LGR6: variants seen among roughly 807,000 people sequenced by gnomAD.
LGR6 encodes the protein leucine rich repeat containing G protein-coupled receptor 6, also known as leucine-rich repeat-containing G protein-coupled receptor 6.
LGR6 carries 45 observed loss-of-function variants against 69.4 expected under a neutral mutation model. That is an observed-to-expected ratio of 0.65 (90% CI 0.51 to 0.83). The LOEUF is 0.83. LGR6 is among the 40% of genes least tolerant of loss of function. The pLI is 0.00. For synonymous variants in LGR6, 538 were observed against 555.0 expected (o/e 0.97, Z 0.43); for missense variants, 1,108 against 1,246.7 (o/e 0.89, Z 1.68).
chr1:202,282,782 C>T (rs11586832), intron 6 of LGR6, among the ~76,000 whole-genome samples: 1,894 of 152,330 alleles, frequency 0.012, 16 homozygotes, highest in Non-Finnish European at 0.022. Context: ...TGGATTGCCG[C>T]GCAGGGCATT....
At chr1:202,219,005 T>C (rs1282414236) in intron 1 of LGR6, among the ~76,000 whole-genome samples, 3 of 152,156 alleles carry the variant, frequency 2.0e-5, no homozygotes, top group Non-Finnish European at 4.4e-5. Context: ...CAGAAGCCCA[T>C]GGGAAAACAA....
At chr1:202,237,387 A>G (rs1428887429) in intron 4 of LGR6, among the ~76,000 whole-genome samples, 1 of 152,278 alleles carries the variant, frequency 6.6e-6, no homozygotes, top group Non-Finnish European at 1.5e-5. Flanking sequence ...CAGCAGGGAC[A>G]GCCAAAAATA....
intron 4 of LGR6, among the ~76,000 whole-genome samples, chr1:202,264,341 A>G (rs544828712): frequency 5.0e-4 from 76 of 152,264 alleles, no homozygotes; most frequent in African/African-American, 1.6e-3. Context: ...GCTTTTAAGT[A>G]TCTTTAAAAC....
chr1:202,230,189 G>T (rs943336615), intron 3 of LGR6, among the ~76,000 whole-genome samples: 5 of 152,056 alleles, frequency 3.3e-5, no homozygotes, highest in Admixed American at 1.3e-4. Context: ...TAAATAAAGA[G>T]GATTCCCTCT....
rs59693302 is a variant in LGR6 at position 202,249,665 on chromosome 1, G to A, written c.428+13672G>A. On this transcript the variant is annotated intron_variant, in intron 4 of 17. Transcript: ENST00000367278. ...ATAACATCATTTAGTTCCCTAATTC[G>A]GAGACTTGGGTGTCATCCTTAACTC... Among the ~76,000 whole-genome samples the A allele has an allele frequency of 5.4e-3, 827 of 152,146 alleles. 8 individuals are homozygous for A. The highest frequency in any genetic ancestry group is 0.018 in the Admixed American group (274 of 15,286).
chr1:202,306,619 A>G, intron 12 of LGR6: 1 of 537,100 alleles, frequency 1.9e-6, no homozygotes, highest in Non-Finnish European at 3.4e-6. Context: ...GCCCAGTGGG[A>G]ACACTGGAAG....
At chr1:202,215,754 G>A (rs919478013) in intron 1 of LGR6, among the ~76,000 whole-genome samples, 3 of 152,350 alleles carry the variant, frequency 2.0e-5, no homozygotes, top group Admixed American at 6.5e-5. Flanking sequence ...TTGAAGCTGC[G>A]TGTGTATGTG....
chr1:202,245,951 C>T (rs1026624462), intron 4 of LGR6, among the ~76,000 whole-genome samples: 30 of 151,612 alleles, frequency 2.0e-4, no homozygotes, highest in Admixed American at 1.4e-3. Flanking sequence ...TCCATCCATC[C>T]ATCCATTCAT....
chr1:202,234,716 A>T (rs141909415), intron 3 of LGR6, among the ~76,000 whole-genome samples: 2 of 152,162 alleles, frequency 1.3e-5, no homozygotes, highest in African/African-American at 4.8e-5. Context: ...GAATTAATAC[A>T]AGTTCTAAGA....
chr1:202,307,730 A>G (rs1653359024), intron 14 of LGR6, among the ~76,000 whole-genome samples: 1 of 152,152 alleles, frequency 6.6e-6, no homozygotes, highest in African/African-American at 2.4e-5. Flanking sequence ...GAATCCCTTC[A>G]CACATAGGAG....
chr1:202,268,600 C>T lies in LGR6; in HGVS notation c.429-7706C>T, dbSNP rs1339498456. The stretch of plus-strand genomic sequence containing the variant: ...GTTCAACTGAAAGTCAGCTATGTAG[C>T]CAAGTAGGGGTGGGGGGTTCAGAGA... On this transcript the variant is annotated intron_variant, in intron 4 of 17. Coordinates refer to ENST00000367278, the MANE Select transcript of LGR6 (RefSeq NM_001017403.2). This position sits in a 1 kb window ranked among gnomAD's most constrained non-coding sequence, Gnocchi z 4.4. Among the ~76,000 whole-genome samples, 1 of 152,136 alleles carries T rather than the reference C, an allele frequency of 6.6e-6. No individual in the cohort carries two copies. Among genetic ancestry groups the T allele is most frequent in the Non-Finnish European group, 1.5e-5 (1 of 68,028 alleles).
intron 6 of LGR6, among the ~76,000 whole-genome samples, chr1:202,284,041 AGCAAATCCAAGTCATTTGG>A: frequency 6.6e-6 from 1 of 152,346 alleles, no homozygotes; most frequent in South Asian, 2.1e-4. Flanking sequence ...CAAAAGAGCC[AGCAAATCCAAGTCATTTGG>A]GCAGGGTTCA....
intron 14 of LGR6, 61 bp downstream of exon 14, chr1:202,307,462 C>G: frequency 6.7e-7 from 1 of 1,498,712 alleles, no homozygotes; most frequent in Non-Finnish European, 9.3e-7. Flanking sequence ...ATGGGCTGGC[C>G]AATGGAGGCA....
chr1:202,204,675 C>T (rs1470351596), intron 1 of LGR6, among the ~76,000 whole-genome samples: 2 of 8,902 alleles, frequency 2.2e-4, no homozygotes, highest in Admixed American at 1.7e-3. Flanking sequence ...ACACACGCCT[C>T]CAAACACACA....
intron 10 of LGR6, among the ~76,000 whole-genome samples, chr1:202,304,335 C>T (rs1667818729): frequency 6.6e-6 from 1 of 152,126 alleles, no homozygotes; most frequent in African/African-American, 2.4e-5. Context: ...CTCTCCACTC[C>T]CCTCCCCCAG....
At chr1:202,245,992 A>T (rs1662634435) in intron 4 of LGR6, among the ~76,000 whole-genome samples, 2 of 125,270 alleles carry the variant, frequency 1.6e-5, no homozygotes, top group African/African-American at 6.3e-5. Context: ...CTATCCATTC[A>T]TCCATCCCCC....
chr1:202,311,823 G>A (rs979813409), intron 16 of LGR6, among the ~76,000 whole-genome samples: 2 of 152,232 alleles, frequency 1.3e-5, no homozygotes, highest in African/African-American at 4.8e-5. Flanking sequence ...CAACTGTGGA[G>A]TCCGGGGCAC....
intron 6 of LGR6, among the ~76,000 whole-genome samples, chr1:202,294,027 A>G (rs788819): frequency 0.57 from 86,277 of 152,024 alleles, 25,663 homozygotes; most frequent in East Asian, 0.75. Flanking sequence ...CTGTGGCCCC[A>G]GGCAAGCCAC....
At chr1:202,197,023 G>A (rs774772257) in intron 1 of LGR6, 13 of 533,142 alleles carry the variant, frequency 2.4e-5, no homozygotes, top group South Asian at 1.5e-4. Flanking sequence ...GGACATGCAG[G>A]AAGTAGCAGG....
Sources: gnomAD v4.1 joint callset for allele counts (sites outside exome capture counted in the v4.1 genomes callset) on GRCh38, gnomAD v4.1.1 for gene constraint, Gnocchi (gnomAD v3.1) non-coding constraint, MANE v1.5 for transcripts, NCBI Gene and HGNC (gene_info 2026-07-23, HGNC 2026-07-21) for gene names.